Variants in AGBL1 observed in about 807,000 individuals in gnomAD.
The protein encoded by AGBL1 is AGBL carboxypeptidase 1.
A neutral mutation model predicts 118.9 loss-of-function variants in AGBL1; 130 were observed. That is an observed-to-expected ratio of 1.09 (90% CI 0.95 to 1.26). The LOEUF (loss-of-function observed/expected upper bound fraction) is 1.26, where lower values mean the gene tolerates loss of function less well. Ranked by LOEUF, AGBL1 falls within the 50% of genes most tolerant of loss-of-function variation. AGBL1 has a pLI of 0.00. For synonymous variants in AGBL1, 555 were observed against 478.9 expected (o/e 1.16, Z -2.08); for missense variants, 1,584 against 1,298.1 (o/e 1.22, Z -3.38).
intron 23 of AGBL1, among the ~76,000 whole-genome samples, chr15:86,976,568 G>T (rs1223177422): frequency 6.6e-6 from 1 of 151,844 alleles, no homozygotes; most frequent in Non-Finnish European, 1.5e-5. Context: ...TCTAAATGTG[G>T]CATTACTGAG....
intron 22 of AGBL1, among the ~76,000 whole-genome samples, chr15:86,711,963 G>A (rs1393839464): frequency 6.6e-6 from 1 of 152,116 alleles, no homozygotes; most frequent in Non-Finnish European, 1.5e-5. Context: ...AACAGCCTTT[G>A]CAAGGTGGGT....
At chr15:86,328,589 T>C in intron 17 of AGBL1, among the ~76,000 whole-genome samples, 1 of 152,122 alleles carries the variant, frequency 6.6e-6, no homozygotes, top group East Asian at 1.9e-4. Context: ...ACCAGAATCA[T>C]GAAGGACACC....
intron 22 of AGBL1, among the ~76,000 whole-genome samples, chr15:86,869,578 C>T (rs920636999): frequency 2.0e-5 from 3 of 148,876 alleles, no homozygotes; most frequent in African/African-American, 7.3e-5. Flanking sequence ...CTATTTAGAC[C>T]CTGTAGATCC....
At chr15:86,747,311 G>C (rs1249034749) in intron 22 of AGBL1, among the ~76,000 whole-genome samples, 1 of 152,042 alleles carries the variant, frequency 6.6e-6, no homozygotes, top group African/African-American at 2.4e-5. Context: ...CTAGATGGTT[G>C]CTGATGACAT....
chr15:86,985,991 C>T (rs1411967971), intron 23 of AGBL1, among the ~76,000 whole-genome samples: 2 of 151,782 alleles, frequency 1.3e-5, no homozygotes, highest in African/African-American at 2.4e-5. Context: ...TGGCAGGATC[C>T]TGGCTCACTG....
In AGBL1 at chr15:86,847,562, C is replaced by T. The variant is rs115070317; in HGVS notation, c.3159-59525C>T. ...TTTATTCATGGATTTTTAAAGGCCA[C>T]GCAGTTATGCATAGCTTAGTAATTA... On this transcript the variant is annotated intron_variant, in intron 22 of 22. Transcript: ENST00000614907. Among the ~76,000 whole-genome samples the T allele has an allele frequency of 5.3e-5, 8 of 152,260 alleles. No individual in the cohort carries two copies. In the East Asian group the frequency reaches 1.2e-3, roughly 22 times the overall value.
intron 21 of AGBL1, among the ~76,000 whole-genome samples, chr15:86,566,259 C>A (rs1421289080): frequency 1.3e-5 from 2 of 152,170 alleles, no homozygotes; most frequent in Non-Finnish European, 2.9e-5. Context: ...TCCTGTTTGG[C>A]CATCTTGGAA....
At chr15:86,726,856 G>A (rs917058514) in intron 22 of AGBL1, among the ~76,000 whole-genome samples, 1 of 152,088 alleles carries the variant, frequency 6.6e-6, no homozygotes, top group South Asian at 2.1e-4. Flanking sequence ...CACCCAGCCA[G>A]TACTATGTAT....
At chr15:86,985,209 C>T (rs1370245569) in intron 23 of AGBL1, among the ~76,000 whole-genome samples, 3 of 152,122 alleles carry the variant, frequency 2.0e-5, no homozygotes, top group African/African-American at 7.2e-5. Flanking sequence ...CATTCATGTA[C>T]AATGCTTTGT....
At chr15:86,695,652 T>C (rs1004071459) in intron 22 of AGBL1, among the ~76,000 whole-genome samples, 9 of 152,030 alleles carry the variant, frequency 5.9e-5, no homozygotes, top group African/African-American at 2.2e-4. Context: ...TTTGGTTTGT[T>C]CTTGTTTCTC....
chr15:86,180,709 G>A (rs1215685788), intron 5 of AGBL1, among the ~76,000 whole-genome samples: 1 of 151,902 alleles, frequency 6.6e-6, no homozygotes, highest in Admixed American at 6.6e-5. Flanking sequence ...TAGCTCAAAA[G>A]GCATTATTAA....
intron 22 of AGBL1, among the ~76,000 whole-genome samples, chr15:86,883,445 C>T (rs1002973461): frequency 6.6e-6 from 1 of 152,184 alleles, no homozygotes. Context: ...AGTCTTCTCC[C>T]TGTAGTGTCC....
At chr15:86,589,560 A>G (rs1261045598) in intron 21 of AGBL1, among the ~76,000 whole-genome samples, 1 of 152,178 alleles carries the variant, frequency 6.6e-6, no homozygotes, top group African/African-American at 2.4e-5. Flanking sequence ...CCAGATGCCT[A>G]TTTTAGATAG....
At chr15:86,413,461 A>G (rs545779189) in intron 18 of AGBL1, among the ~76,000 whole-genome samples, 6 of 152,204 alleles carry the variant, frequency 3.9e-5, no homozygotes, top group African/African-American at 1.2e-4. Flanking sequence ...GCTGTCTTCC[A>G]TAGGGATAAT....
At chr15:86,622,201 G>A (rs1397793359) in intron 21 of AGBL1, among the ~76,000 whole-genome samples, 3 of 151,948 alleles carry the variant, frequency 2.0e-5, no homozygotes, top group Admixed American at 6.6e-5. Flanking sequence ...GTGGTGCTGG[G>A]CACCTGTAAT....
At chr15:86,545,029 T>C (rs1016092156) in intron 19 of AGBL1, among the ~76,000 whole-genome samples, 8 of 152,180 alleles carry the variant, frequency 5.3e-5, no homozygotes, top group Non-Finnish European at 7.4e-5. Context: ...ACTGATAAAA[T>C]TGGTTATGTG....
intron 16 of AGBL1, among the ~76,000 whole-genome samples, chr15:86,292,234 A>G (rs1310529947): frequency 6.6e-6 from 1 of 152,186 alleles, no homozygotes; most frequent in Non-Finnish European, 1.5e-5. Flanking sequence ...CTTATAAGTG[A>G]AAGAATTAGA....
At chr15:86,951,318 C>G (rs1326148155) in intron 23 of AGBL1, among the ~76,000 whole-genome samples, 1 of 152,194 alleles carries the variant, frequency 6.6e-6, no homozygotes, top group Non-Finnish European at 1.5e-5. Context: ...TTCAGCTGTT[C>G]TACTCTTTGC....
intron 22 of AGBL1, among the ~76,000 whole-genome samples, 158 bp from the exon 23 acceptor site, chr15:86,906,929 C>G (rs1284954125): frequency 6.6e-6 from 1 of 152,138 alleles, no homozygotes; most frequent in East Asian, 1.9e-4. Flanking sequence ...CTCTTCCAAC[C>G]AATTGAATGT....
Sources: gnomAD v4.1 joint callset for allele counts (sites outside exome capture counted in the v4.1 genomes callset) on GRCh38, gnomAD v4.1.1 for gene constraint, MANE v1.5 for transcripts, NCBI Gene and HGNC (gene_info 2026-07-23, HGNC 2026-07-21) for gene names.